The following MDGA2 variants were observed in gnomAD, a reference collection of about 807,000 sequenced individuals.
MDGA2 encodes MAM domain containing glycosylphosphatidylinositol anchor 2.
MDGA2 carries 40 observed loss-of-function variants against 117.8 expected under a neutral mutation model. The ratio of observed to expected loss-of-function variants is 0.34; its 90% CI spans 0.26 to 0.44. The LOEUF is 0.44. MDGA2 is among the 20% of genes least tolerant of loss of function. The pLI, the probability that MDGA2 is intolerant of heterozygous loss-of-function variation, is 1.00. For missense variants in MDGA2, 1,123 were observed against 1,250.6 expected, an observed-to-expected ratio of 0.90 and a Z score of 1.54; for synonymous variants, 452 against 439.0, an observed-to-expected ratio of 1.03 and a Z score of -0.37.
intron 1 of MDGA2, among the ~76,000 whole-genome samples, chr14:47,663,503 G>A (rs1021827976): frequency 1.4e-4 from 21 of 152,116 alleles, no homozygotes; most frequent in African/African-American, 4.6e-4. Context: ...ACTACCTTCC[G>A]CCCTCCAAAA....
intron 10 of MDGA2, among the ~76,000 whole-genome samples, chr14:46,891,443 T>C (rs1882880705): frequency 6.6e-6 from 1 of 151,628 alleles, no homozygotes; most frequent in Non-Finnish European, 1.5e-5. Flanking sequence ...ATTTGAAAGG[T>C]AATTGCTAAC....
chr14:46,871,967 C>CT (rs1882020494), intron 14 of MDGA2: 1 of 262,674 alleles, frequency 3.8e-6, no homozygotes. Context: ...GAGCCTGTCT[C>CT]ATAAAAAATA....
intron 14 of MDGA2, among the ~76,000 whole-genome samples, chr14:46,856,307 G>A (rs1456701898): frequency 2.7e-5 from 4 of 147,350 alleles, no homozygotes. Flanking sequence ...TCATTTCTAT[G>A]TGTTCAGGCC....
chr14:46,866,421 C>T (rs1323518728), intron 14 of MDGA2, among the ~76,000 whole-genome samples: 1 of 152,122 alleles, frequency 6.6e-6, no homozygotes, highest in Non-Finnish European at 1.5e-5. Context: ...AAACGTTAGA[C>T]CTAAAACCAT....
rs1566504353 is a variant in MDGA2 at position 47,537,573 on chromosome 14, T to TAAAAAAAAAAAAA, written c.280+136943_280+136944insTTTTTTTTTTTTT. ...ATTATCCACTGTTACCTTCTCTCTG[T>TAAAAAAAAAAAAA]TAAAAAAAAAAAAAAAAAAAAAAAA... On this transcript the variant is annotated intron_variant, in intron 1 of 16. Coordinates refer to ENST00000399232, the MANE Select transcript of MDGA2 (RefSeq NM_001113498.3). Among the ~76,000 whole-genome samples, 12 of 57,106 alleles carry TAAAAAAAAAAAAA rather than the reference T, an allele frequency of 2.1e-4. 4 individuals are homozygous for TAAAAAAAAAAAAA. The highest frequency in any genetic ancestry group is 2.8e-4 in the Non-Finnish European group (8 of 29,088). 37.5% of individuals were successfully genotyped at this position (57,106 alleles called of 152,430 possible).
At chr14:47,177,075 A>C (rs1442907773) in intron 3 of MDGA2, among the ~76,000 whole-genome samples, 1 of 152,212 alleles carries the variant, frequency 6.6e-6, no homozygotes, top group Admixed American at 6.5e-5. Context: ...TGGCCATCAG[A>C]GAAATGCAAA....
At chr14:47,179,767 T>G (rs1345616974) in intron 3 of MDGA2, among the ~76,000 whole-genome samples, 1 of 152,078 alleles carries the variant, frequency 6.6e-6, no homozygotes. Context: ...AATTCAAATA[T>G]TTCTTCTCAC....
rs145040651 is a variant in MDGA2 at position 46,953,073 on chromosome 14, A to G, written c.2089+4301T>C. Among the ~76,000 whole-genome samples, 406 of 151,998 alleles carry G rather than the reference A, an allele frequency of 2.7e-3. 5 individuals carry two copies. Among genetic ancestry groups the G allele is most frequent in the African/African-American group, 9.3e-3 (386 of 41,530 alleles). On this transcript the variant is annotated intron_variant, in intron 9 of 16. Coordinates refer to ENST00000399232, the MANE Select transcript of MDGA2 (RefSeq NM_001113498.3). Reference sequence around the variant, plus strand: ...AAGAAGTGCAATAGATATAAAACCAAAATTACTTCAAGATACTATGCAAAT... The same window carrying G: ...AAGAAGTGCAATAGATATAAAACCAGAATTACTTCAAGATACTATGCAAAT...
chr14:47,050,091 G>A (rs1283605540), intron 7 of MDGA2, among the ~76,000 whole-genome samples: 1 of 151,918 alleles, frequency 6.6e-6, no homozygotes, highest in Non-Finnish European at 1.5e-5. Context: ...GTGTATCTCT[G>A]GAGCCTAAAA....
Position 46,873,494 on chromosome 14 carries a change from A to G in MDGA2, c.2691T>C (p.Tyr897=), listed in dbSNP as rs541105640. 42 of 1,612,658 alleles carry G rather than the reference A, an allele frequency of 2.6e-5. 1 individual carries two copies. The South Asian group carries it at 2.7e-4, about 11-fold the overall frequency. The change falls in exon 14 of 17, where the codon TAT becomes TAC. Residue 897 remains tyrosine (Y), a synonymous_variant. Transcript: ENST00000399232. The part of the protein sequence containing the change: ...PVFSIAPKNP[Y]GPTNTAYCFS... The stretch of plus-strand genomic sequence containing the variant: ...AACAATATGCAGTGTTTGTGGGTCC[A>G]TAAGGGTTTTTGGGAGCTATGCTGA...
intron 1 of MDGA2, among the ~76,000 whole-genome samples, chr14:47,512,697 T>G (rs10147384): frequency 0.14 from 21,644 of 152,070 alleles, 2,082 homozygotes; most frequent in African/African-American, 0.27. Flanking sequence ...AAATTATTGA[T>G]GTCAGTCTCT....
At chr14:47,360,165 A>G (rs1038179118) in intron 1 of MDGA2, among the ~76,000 whole-genome samples, 2 of 151,988 alleles carry the variant, frequency 1.3e-5, no homozygotes, top group African/African-American at 4.8e-5. Context: ...CAGTCTGACC[A>G]ACATGGAGAA....
chr14:47,405,572 C>T (rs192832900), intron 1 of MDGA2, among the ~76,000 whole-genome samples: 21 of 152,286 alleles, frequency 1.4e-4, no homozygotes, highest in African/African-American at 5.1e-4. Flanking sequence ...CCAAACAAAG[C>T]TACACACTTG....
At chr14:46,882,574 C>A (rs963604367) in intron 10 of MDGA2, among the ~76,000 whole-genome samples, 1 of 150,932 alleles carries the variant, frequency 6.6e-6, no homozygotes, top group Non-Finnish European at 1.5e-5. Context: ...TGAATACTTA[C>A]AACTCTATCA....
intron 1 of MDGA2, among the ~76,000 whole-genome samples, chr14:47,646,856 C>G (rs1293410235): frequency 1.3e-5 from 2 of 152,084 alleles, no homozygotes; most frequent in South Asian, 4.1e-4. Context: ...TTTACTTGCT[C>G]CTTAAATCCA....
intron 1 of MDGA2, among the ~76,000 whole-genome samples, chr14:47,404,405 C>T (rs1484019634): frequency 2.0e-5 from 3 of 151,652 alleles, no homozygotes; most frequent in Admixed American, 6.6e-5. Flanking sequence ...AGGCTGGTCT[C>T]GAACTTCTGA....
chr14:46,947,763 T>G (rs969641817), intron 9 of MDGA2, among the ~76,000 whole-genome samples: 1 of 152,062 alleles, frequency 6.6e-6, no homozygotes, highest in African/African-American at 2.4e-5. Flanking sequence ...TTTTGTAAAT[T>G]TCTTAGTCTC....
At position 46,941,778 on chromosome 14, in the gene MDGA2, C is replaced by A. The variant is rs376260486; in HGVS notation, c.2089+15596G>T. ...GTTCTATTCTTCTCTGGTGTCAGTA[C>A]ATATTAGAAAGTTTCTTTTCTCTCA... On this transcript the variant is annotated intron_variant, in intron 9 of 16. Transcript: ENST00000399232. Among the ~76,000 whole-genome samples the A allele has an allele frequency of 1.1e-3, 169 of 152,232 alleles. 1 individual carries two copies. The highest frequency in any genetic ancestry group is 3.9e-3 in the African/African-American group (162 of 41,540).
intron 8 of MDGA2, among the ~76,000 whole-genome samples, chr14:46,999,903 T>C (rs767835245): frequency 6.6e-6 from 1 of 151,990 alleles, no homozygotes; most frequent in Non-Finnish European, 1.5e-5. Context: ...GTCTAAGGGG[T>C]TGGCTTTCAC....
Sources: gnomAD v4.1 joint callset for allele counts (sites outside exome capture counted in the v4.1 genomes callset) on GRCh38, gnomAD v4.1.1 for gene constraint, MANE v1.5 for transcripts, NCBI Gene and HGNC (gene_info 2026-07-23, HGNC 2026-07-21) for gene names.